HS6ST3: variants seen among roughly 807,000 people sequenced by gnomAD.
HS6ST3 encodes heparan sulfate 6-O-sulfotransferase 3.
Under a neutral mutation model 36.7 loss-of-function variants are expected in HS6ST3, and 12 were observed. That is an observed-to-expected ratio of 0.33 (90% CI 0.21 to 0.53). The LOEUF is 0.53. Among genes scored for constraint, HS6ST3 ranks in the 20% least tolerant of loss-of-function variants. The pLI is 0.95. For missense variants in HS6ST3, 584 were observed against 640.9 expected (o/e 0.91, Z 0.96); for synonymous variants, 240 against 257.5 (o/e 0.93, Z 0.65).
At chr13:96,508,555 G>T (rs1025515019) in intron 1 of HS6ST3, among the ~76,000 whole-genome samples, 4 of 151,936 alleles carry the variant, frequency 2.6e-5, no homozygotes, top group Admixed American at 2.0e-4. Flanking sequence ...GAATCTCTAA[G>T]GTCTATTATA....
chr13:96,743,413 C>T (rs1023858004), intron 1 of HS6ST3, among the ~76,000 whole-genome samples: 1 of 152,018 alleles, frequency 6.6e-6, no homozygotes, highest in Non-Finnish European at 1.5e-5. Context: ...CCTTGAACTG[C>T]TCATTTGTGT....
At chr13:96,138,427 ATATT>A (rs1229866169) in intron 1 of HS6ST3, among the ~76,000 whole-genome samples, 1 of 148,694 alleles carries the variant, frequency 6.7e-6, no homozygotes, top group African/African-American at 2.5e-5. Flanking sequence ...TTATAAATAT[ATATT>A]TACAGTTTAT....
intron 1 of HS6ST3, among the ~76,000 whole-genome samples, chr13:96,359,948 C>T (rs537502757): frequency 6.6e-6 from 1 of 152,138 alleles, no homozygotes; most frequent in Non-Finnish European, 1.5e-5. Flanking sequence ...AGGATACACT[C>T]CAGCCACCCC....
chr13:96,672,848 A>C (rs750923615), intron 1 of HS6ST3, among the ~76,000 whole-genome samples: 1 of 152,094 alleles, frequency 6.6e-6, no homozygotes, highest in African/African-American at 2.4e-5. Flanking sequence ...TAGTGTTTCT[A>C]ATGAGACTCT....
At chr13:96,376,388 C>A (rs1156373500) in intron 1 of HS6ST3, among the ~76,000 whole-genome samples, 2 of 152,146 alleles carry the variant, frequency 1.3e-5, no homozygotes, top group Non-Finnish European at 2.9e-5. Context: ...ATTGTACTGT[C>A]TTTCATGTCA....
At chr13:96,258,380 A>AAG (rs2054647936) in intron 1 of HS6ST3, among the ~76,000 whole-genome samples, 2 of 152,138 alleles carry the variant, frequency 1.3e-5, no homozygotes, top group Admixed American at 1.3e-4. Context: ...AACAACAAAA[A>AAG]CCCCAAGAAG....
chr13:96,119,912 G>A (rs990113764), intron 1 of HS6ST3, among the ~76,000 whole-genome samples: 1 of 151,872 alleles, frequency 6.6e-6, no homozygotes, highest in Non-Finnish European at 1.5e-5. Context: ...CTACCCTAGG[G>A]GATTATTCAG....
At chr13:96,632,026 G>A (rs1421606640) in intron 1 of HS6ST3, among the ~76,000 whole-genome samples, 1 of 152,164 alleles carries the variant, frequency 6.6e-6, no homozygotes, top group Non-Finnish European at 1.5e-5. Context: ...TTGAAACTTA[G>A]TGGCCAATGC....
intron 1 of HS6ST3, among the ~76,000 whole-genome samples, chr13:96,110,051 T>C (rs983703293): frequency 6.6e-6 from 1 of 152,208 alleles, no homozygotes; most frequent in Non-Finnish European, 1.5e-5. Flanking sequence ...TTAGTCCATT[T>C]TGTGTTGCTA....
intron 1 of HS6ST3, among the ~76,000 whole-genome samples, chr13:96,322,416 G>A (rs1029710223): frequency 3.3e-5 from 5 of 150,826 alleles, no homozygotes; most frequent in African/African-American, 1.2e-4. Flanking sequence ...CATTATCCAG[G>A]TGTGGTGGTT....
At chr13:96,757,038 G>T (rs1030265488) in intron 1 of HS6ST3, among the ~76,000 whole-genome samples, 3 of 152,132 alleles carry the variant, frequency 2.0e-5, no homozygotes, top group Non-Finnish European at 4.4e-5. Flanking sequence ...CTCATCTAGA[G>T]GCATACCTAG....
intron 1 of HS6ST3, among the ~76,000 whole-genome samples, chr13:96,417,144 G>C (rs1296520555): frequency 6.6e-6 from 1 of 152,176 alleles, no homozygotes; most frequent in Non-Finnish European, 1.5e-5. Context: ...ACATGCTTCA[G>C]AATTTTATTT....
intron 1 of HS6ST3, among the ~76,000 whole-genome samples, chr13:96,768,342 C>A (rs540191665): frequency 3.7e-4 from 56 of 152,156 alleles, no homozygotes; most frequent in Non-Finnish European, 7.3e-4. Flanking sequence ...AGCTAGTTGA[C>A]CGTGCAGAAA....
At chr13:96,574,148 C>T in intron 1 of HS6ST3, 1 of 532,422 alleles carries the variant, frequency 1.9e-6, no homozygotes, top group East Asian at 5.2e-5. Context: ...CATTTAAGGA[C>T]AGCTGATATC....
intron 1 of HS6ST3, among the ~76,000 whole-genome samples, chr13:96,409,555 T>C (rs1566352833): frequency 6.6e-6 from 1 of 152,166 alleles, no homozygotes; most frequent in Non-Finnish European, 1.5e-5. Flanking sequence ...AGTGTCAGGT[T>C]ATATGCTAAG....
intron 1 of HS6ST3, among the ~76,000 whole-genome samples, chr13:96,663,681 G>T (rs991412371): frequency 1.3e-5 from 2 of 152,098 alleles, no homozygotes; most frequent in African/African-American, 4.8e-5. Flanking sequence ...ATATATGTTT[G>T]CACAAAGAAT....
chr13:96,277,526 A>G (rs949616748), intron 1 of HS6ST3, among the ~76,000 whole-genome samples: 1 of 152,218 alleles, frequency 6.6e-6, no homozygotes, highest in Non-Finnish European at 1.5e-5. Flanking sequence ...TTATTTATTC[A>G]GAAAGGTGAT....
chr13:96,822,058 C>T lies in HS6ST3; in HGVS notation c.708-10432C>T, dbSNP rs566094284. The stretch of plus-strand genomic sequence containing the variant: ...GTGTAATTCTCACATTCCCTAAAAG[C>T]AGTGCCTGAGAAATTAGCTAAGACG... On this transcript the variant is annotated intron_variant, in intron 1 of 1. Transcript: ENST00000376705. 1.9e-4 allele frequency among the ~76,000 whole-genome samples: 29 copies of T among 152,310 alleles called. 1 individual carries two copies. The South Asian group carries it at 5.8e-3, about 30-fold the overall frequency.
At chr13:96,337,245 T>C (rs535008354) in intron 1 of HS6ST3, among the ~76,000 whole-genome samples, 1 of 152,234 alleles carries the variant, frequency 6.6e-6, no homozygotes, top group Admixed American at 6.5e-5. Context: ...TTTTTGTATT[T>C]TTAGTAGAGA....
Sources: allele counts gnomAD v4.1 joint callset (sites outside exome capture counted in the v4.1 genomes callset), GRCh38; gene constraint gnomAD v4.1.1; transcripts MANE v1.5; gene names NCBI Gene and HGNC (gene_info 2026-07-23, HGNC 2026-07-21).